The following ARL6 variants were observed in gnomAD, a reference collection of about 807,000 sequenced individuals.
ARL6 encodes ADP-ribosylation factor-like protein 6.
Under a neutral mutation model 27.1 loss-of-function variants are expected in ARL6, and 18 were observed. That is an observed-to-expected ratio of 0.66 (90% CI 0.46 to 0.98). The LOEUF (loss-of-function observed/expected upper bound fraction) is 0.98. ARL6 is among the 50% of genes least tolerant of loss of function. The pLI is 0.00. For synonymous variants in ARL6, 65 were observed against 72.3 expected, an observed-to-expected ratio of 0.90 and a Z score of 0.51; for missense variants, 187 against 214.9, an observed-to-expected ratio of 0.87 and a Z score of 0.81.
Position 97,785,068 on chromosome 3 carries a change from G to T in ARL6, c.349+19G>T. On this transcript the variant is annotated intron_variant, in intron 5 of 7. Coordinates refer to ENST00000463745, the MANE Select transcript of ARL6 (RefSeq NM_001278293.3). ...CATCCAGGTATGTGTGTGTCTTTCAGTCTGTATCTGTTCTTTGGGGTTCAT... is the reference window on the plus strand; with the variant it reads ...CATCCAGGTATGTGTGTGTCTTTCATTCTGTATCTGTTCTTTGGGGTTCAT... The T allele has an allele frequency of 6.3e-7, 1 of 1,583,416 alleles. No individual in the cohort carries two copies. Among genetic ancestry groups the T allele is most frequent in the Non-Finnish European group, 8.7e-7 (1 of 1,152,458 alleles).
rs980316752 is a variant in ARL6, at chr3:97,799,516, C to T, written c.*1467C>T. 7 of 151,924 alleles carry T rather than the reference C, an allele frequency of 4.6e-5. No individual in the cohort carries two copies. Among genetic ancestry groups the T allele is most frequent in the Non-Finnish European group, 1.0e-4 (7 of 67,882 alleles). The allele number at this position is 151,924 out of a possible 1,614,324, so 9.4% of individuals were successfully genotyped here. A position where few individuals can be genotyped will look rare whatever the true frequency, so the allele number is the denominator to read the frequency against. Reference sequence around the variant, plus strand: ...TATAGGAAGGACATAAGGATGGAAACAATGAATGTAATTTTTTAAAAAACT... The same window carrying T: ...TATAGGAAGGACATAAGGATGGAAATAATGAATGTAATTTTTTAAAAAACT... On this transcript the variant is annotated 3_prime_UTR_variant, in exon 8 of 8. Transcript: ENST00000463745.
chr3:97,795,164 A>G (rs1265214173), intron 7 of ARL6, among the ~76,000 whole-genome samples: 1 of 152,224 alleles, frequency 6.6e-6, no homozygotes, highest in African/African-American at 2.4e-5. Context: ...TTGTCTTTGG[A>G]AACAGTCTCA....
At chr3:97,768,315 C>T (rs1376435970) in intron 2 of ARL6, 85 bp downstream of exon 2, 10 of 1,380,640 alleles carry the variant, frequency 7.2e-6, no homozygotes, top group East Asian at 2.4e-5. Flanking sequence ...ACGTTAAAAC[C>T]GCATATAATC....
At chr3:97,784,276 T>C (rs2037337093) in intron 4 of ARL6, among the ~76,000 whole-genome samples, 1 of 152,008 alleles carries the variant, frequency 6.6e-6, no homozygotes, top group South Asian at 2.1e-4. Flanking sequence ...GGTGAATCCT[T>C]AACTAGTTCA....
chr3:97,797,779 G>C (rs988653604), intron 7 of ARL6, among the ~76,000 whole-genome samples: 1 of 152,150 alleles, frequency 6.6e-6, no homozygotes, highest in Non-Finnish European at 1.5e-5. Context: ...AGCAGGTGTA[G>C]CTGGACCTGG....
chr3:97,772,720 C>G lies in ARL6; in HGVS notation c.123+4490C>G, dbSNP rs867597280. On this transcript the variant is annotated intron_variant, in intron 2 of 7. Coordinates refer to ENST00000463745, the MANE Select transcript of ARL6 (RefSeq NM_001278293.3). ...CACTACAACCTCTGCCTCCCGGGTTCAAGCGATTCTCCTGCCTCAGCCTCC... is the reference window on the plus strand; with the variant it reads ...CACTACAACCTCTGCCTCCCGGGTTGAAGCGATTCTCCTGCCTCAGCCTCC... 2.6e-4 allele frequency among the ~76,000 whole-genome samples: 39 copies of G among 149,776 alleles called. 1 individual carries two copies. The highest frequency in any genetic ancestry group is 3.5e-3 in the Middle Eastern group (1 of 288).
At chr3:97,780,069 T>A in intron 2 of ARL6, 90 bp from the exon 3 acceptor site, 1 of 1,055,558 alleles carries the variant, frequency 9.5e-7, no homozygotes. Flanking sequence ...TAGTGACAGA[T>A]TTTAGAAACT....
Position 97,768,145 on chromosome 3 carries a change from TGAA to T in ARL6, c.46_48del (p.Lys16del), listed in dbSNP as rs748472414. ...GACAGACTTTCAGTCTTGCTTGGCC[TGAA>T]GAAGAAGGAGGTTCATGTTTTGTGC... On this transcript the variant is annotated inframe_deletion, in exon 2 of 8. Transcript: ENST00000463745. 23 of 1,613,034 alleles carry T rather than the reference TGAA, an allele frequency of 1.4e-5. No homozygotes were observed. Among genetic ancestry groups the T allele is most frequent in the South Asian group, 8.8e-5 (8 of 91,054 alleles).
At chr3:97,791,175 A>G (rs1178320461) in intron 6 of ARL6, 1 of 152,368 alleles carries the variant, frequency 6.6e-6, no homozygotes, top group Non-Finnish European at 1.5e-5. Flanking sequence ...TCTCACAATC[A>G]CCATATGAGG....
At chr3:97,778,960 G>A (rs1017842546) in intron 2 of ARL6, among the ~76,000 whole-genome samples, 3 of 152,078 alleles carry the variant, frequency 2.0e-5, no homozygotes, top group Non-Finnish European at 1.5e-5. Flanking sequence ...ATAATTTCTA[G>A]GCATCTGGAT....
At position 97,776,742 on chromosome 3, in the gene ARL6, C is replaced by T. The variant is rs528369248; in HGVS notation, c.124-3417C>T. ...CACAATCTTGGCTCATTGCAACCTCCATTTCCCGGGTTCAAGTGATTCTGC... is the reference window on the plus strand; with the variant it reads ...CACAATCTTGGCTCATTGCAACCTCTATTTCCCGGGTTCAAGTGATTCTGC... On this transcript the variant is annotated intron_variant, in intron 2 of 7. Transcript: ENST00000463745. Among the ~76,000 whole-genome samples, 112 of 152,196 alleles carry T rather than the reference C, an allele frequency of 7.4e-4. 1 individual carries two copies. The highest frequency in any genetic ancestry group is 1.4e-3 in the Non-Finnish European group (97 of 68,006).
intron 1 of ARL6, among the ~76,000 whole-genome samples, chr3:97,767,354 G>T (rs114105905): frequency 1.2e-4 from 19 of 152,202 alleles, no homozygotes; most frequent in African/African-American, 4.3e-4. Context: ...CAGATATTTA[G>T]TAAGGTTCAA....
intron 7 of ARL6, among the ~76,000 whole-genome samples, chr3:97,797,609 A>C (rs561542664): frequency 2.6e-5 from 4 of 152,210 alleles, no homozygotes; most frequent in African/African-American, 7.2e-5. Context: ...ATAAGTATTC[A>C]TCTAAAAGGG....
At chr3:97,773,095 G>A (rs188459262) in intron 2 of ARL6, among the ~76,000 whole-genome samples, 35 of 152,258 alleles carry the variant, frequency 2.3e-4, no homozygotes, top group Non-Finnish European at 1.6e-4. Context: ...AGTTTCTTAA[G>A]TGGTATTAAC....
chr3:97,779,319 T>G (rs1004797193), intron 2 of ARL6, among the ~76,000 whole-genome samples: 11 of 152,166 alleles, frequency 7.2e-5, no homozygotes, highest in African/African-American at 2.7e-4. Flanking sequence ...CTTGTCATGG[T>G]TCTTCCCCTC....
At chr3:97,789,899 A>G (rs141116734) in intron 6 of ARL6, among the ~76,000 whole-genome samples, 1 of 151,520 alleles carries the variant, frequency 6.6e-6, no homozygotes, top group Non-Finnish European at 1.5e-5. Flanking sequence ...TGAAGAGAAG[A>G]TCCTAGAGAA....
At chr3:97,770,660 G>C (rs1397888341) in intron 2 of ARL6, among the ~76,000 whole-genome samples, 2 of 151,918 alleles carry the variant, frequency 1.3e-5, no homozygotes, top group East Asian at 3.9e-4. Context: ...GATAGTTTTG[G>C]GTCTTAGATT....
At chr3:97,766,153 T>C (rs1345519922) in intron 1 of ARL6, 1 of 152,152 alleles carries the variant, frequency 6.6e-6, no homozygotes, top group Admixed American at 6.5e-5. Flanking sequence ...TAGTAGATGC[T>C]TAAAGGGGGG....
In ARL6 at chr3:97,792,151, G is replaced by A. The variant is rs534633463; in HGVS notation, c.535+325G>A. On this transcript the variant is annotated intron_variant, in intron 7 of 7. Coordinates refer to ENST00000463745, the MANE Select transcript of ARL6 (RefSeq NM_001278293.3). Reference sequence around the variant, plus strand: ...CATTTAAATTTTGGGACAAATGTTAGGCCCTAATGTCAATAACTAAAAATA... The same window carrying A: ...CATTTAAATTTTGGGACAAATGTTAAGCCCTAATGTCAATAACTAAAAATA... Among the ~76,000 whole-genome samples, 7 of 152,186 alleles carry A rather than the reference G, an allele frequency of 4.6e-5. No individual in the cohort carries two copies. The South Asian group carries it at 1.5e-3, about 32-fold the overall frequency.
Sources: allele counts gnomAD v4.1 joint callset (sites outside exome capture counted in the v4.1 genomes callset), GRCh38; gene constraint gnomAD v4.1.1; transcripts MANE v1.5; gene names NCBI Gene and HGNC (gene_info 2026-07-23, HGNC 2026-07-21).